Variants in CNTNAP2 observed in about 807,000 individuals in gnomAD.
CNTNAP2 encodes the protein contactin-associated protein-like 2.
Under a neutral mutation model 155.2 loss-of-function variants are expected in CNTNAP2, and 98 were observed. The ratio of observed to expected loss-of-function variants is 0.63; its 90% CI spans 0.54 to 0.75. CNTNAP2 has a LOEUF of 0.75. Among genes scored for constraint, CNTNAP2 ranks in the 30% least tolerant of loss-of-function variants. The probability of loss-of-function intolerance (pLI) is 0.00; values close to 1 mark genes in which losing one functional copy is unlikely to be tolerated. For synonymous variants in CNTNAP2, 651 were observed against 631.2 expected, an observed-to-expected ratio of 1.03 and a Z score of -0.47; for missense variants, 1,727 against 1,688.1, an observed-to-expected ratio of 1.02 and a Z score of -0.40.
intron 15 of CNTNAP2, among the ~76,000 whole-genome samples, chr7:148,008,460 C>A (rs1468367299): frequency 2.6e-5 from 4 of 152,122 alleles, no homozygotes; most frequent in Non-Finnish European, 5.9e-5. Flanking sequence ...GTAATTAGAA[C>A]CTGCTTCCTT....
intron 1 of CNTNAP2, among the ~76,000 whole-genome samples, chr7:146,163,014 G>T (rs1174772498): frequency 1.3e-5 from 2 of 152,112 alleles, no homozygotes; most frequent in African/African-American, 4.8e-5. Flanking sequence ...TTGGGGGTTT[G>T]GGGGAGAGAG....
chr7:146,198,327 G>A (rs1798806798), intron 1 of CNTNAP2, among the ~76,000 whole-genome samples: 1 of 152,156 alleles, frequency 6.6e-6, no homozygotes, highest in African/African-American at 2.4e-5. Context: ...CAGAAAATGT[G>A]TTGATTTTTC....
rs141570658 is a variant in CNTNAP2, at chr7:146,556,813, G to A, written c.98-217458G>A. On this transcript the variant is annotated intron_variant, in intron 1 of 23. Coordinates refer to ENST00000361727, the MANE Select transcript of CNTNAP2 (RefSeq NM_014141.6). ...GTTAGTGAAATCTGACCTTTGGTGAGCTGGCACTATTTAGTAAATCTCCCT... is the reference window on the plus strand; with the variant it reads ...GTTAGTGAAATCTGACCTTTGGTGAACTGGCACTATTTAGTAAATCTCCCT... Among the ~76,000 whole-genome samples, 395 of 151,310 alleles carry A rather than the reference G, an allele frequency of 2.6e-3. 7 individuals carry two copies. Among genetic ancestry groups the A allele is most frequent in the African/African-American group, 9.3e-3 (377 of 40,680 alleles).
intron 1 of CNTNAP2, among the ~76,000 whole-genome samples, chr7:146,174,884 A>T (rs1440775212): frequency 6.6e-6 from 1 of 152,120 alleles, no homozygotes; most frequent in East Asian, 2.0e-4. Context: ...CCAGAGGAGG[A>T]AATAATCAAT....
intron 1 of CNTNAP2, among the ~76,000 whole-genome samples, chr7:146,473,276 A>C (rs544829405): frequency 6.6e-6 from 1 of 152,276 alleles, no homozygotes; most frequent in East Asian, 1.9e-4. Flanking sequence ...GTCACTGGGT[A>C]ATGAGTAAAA....
At chr7:147,253,966 G>A (rs531977354) in intron 8 of CNTNAP2, among the ~76,000 whole-genome samples, 2 of 152,276 alleles carry the variant, frequency 1.3e-5, no homozygotes, top group East Asian at 3.9e-4. Flanking sequence ...CAGCCCCACA[G>A]TAAGTGCGAA....
At chr7:148,301,451 G>A (rs1473091401) in intron 21 of CNTNAP2, among the ~76,000 whole-genome samples, 1 of 151,336 alleles carries the variant, frequency 6.6e-6, no homozygotes, top group Non-Finnish European at 1.5e-5. Context: ...GAAACAGATG[G>A]ACTCCAAGGA....
intron 8 of CNTNAP2, among the ~76,000 whole-genome samples, chr7:147,200,201 A>T (rs1252335353): frequency 6.6e-6 from 1 of 152,094 alleles, no homozygotes; most frequent in Admixed American, 6.6e-5. Flanking sequence ...ATAGTAAATG[A>T]CTTCCATGAA....
chr7:146,626,271 G>A (rs1047010960), intron 1 of CNTNAP2, among the ~76,000 whole-genome samples: 1 of 152,072 alleles, frequency 6.6e-6, no homozygotes, highest in African/African-American at 2.4e-5. Context: ...AAATGTTTTT[G>A]TTAAGGCATT....
chr7:147,154,816 A>G (rs190388203), intron 8 of CNTNAP2, among the ~76,000 whole-genome samples: 2 of 152,178 alleles, frequency 1.3e-5, no homozygotes, highest in Admixed American at 1.3e-4. Context: ...GTACAGGTAA[A>G]TATTTCTCTG....
intron 9 of CNTNAP2, among the ~76,000 whole-genome samples, chr7:147,342,867 C>A (rs1375603753): frequency 6.6e-6 from 1 of 151,996 alleles, no homozygotes. Context: ...AGTTGATAAA[C>A]AATGCATGAA....
rs574190684 is a variant in CNTNAP2 at position 148,195,925 on chromosome 7, G to T, written c.3011-21363G>T. ...GGGTCTGCTCAGACATTCAGAGCAC[G>T]CATCCTTACAAATGCATTCTACTGA... On this transcript the variant is annotated intron_variant, in intron 18 of 23. Transcript: ENST00000361727. 3.3e-5 allele frequency among the ~76,000 whole-genome samples: 5 copies of T among 152,242 alleles called. No homozygotes were observed. The South Asian group carries it at 8.3e-4, about 25-fold the overall frequency.
chr7:146,693,932 G>A lies in CNTNAP2; in HGVS notation c.98-80339G>A, dbSNP rs1405281874. Among the ~76,000 whole-genome samples, 5 of 150,422 alleles carry A rather than the reference G, an allele frequency of 3.3e-5. No individual in the cohort carries two copies. The South Asian group carries it at 1.1e-3, about 32-fold the overall frequency. ...CCCAGTGTGTGTTGTTCCCCTCCCT[G>A]TGCCCATGCGTTTTCATTGTTCAGC... On this transcript the variant is annotated intron_variant, in intron 1 of 23. Transcript: ENST00000361727.
chr7:146,407,669 G>A (rs967838177), intron 1 of CNTNAP2, among the ~76,000 whole-genome samples: 2 of 152,030 alleles, frequency 1.3e-5, no homozygotes, highest in Non-Finnish European at 2.9e-5. Flanking sequence ...TTCCCCAGAA[G>A]CTCAGAAATG....
At chr7:146,131,760 C>T (rs1031064078) in intron 1 of CNTNAP2, among the ~76,000 whole-genome samples, 2 of 152,164 alleles carry the variant, frequency 1.3e-5, no homozygotes, top group African/African-American at 4.8e-5. Flanking sequence ...TGGTTTGGCT[C>T]TGTGTCCCCA....
chr7:147,705,558 T>A (rs564348827), intron 13 of CNTNAP2, among the ~76,000 whole-genome samples: 1 of 152,298 alleles, frequency 6.6e-6, no homozygotes, highest in African/African-American at 2.4e-5. Flanking sequence ...AGATGTCTGT[T>A]AGGTCCATTT....
intron 22 of CNTNAP2, among the ~76,000 whole-genome samples, chr7:148,392,947 ACACTTTACCACTGGC>A (rs1799385849): frequency 6.6e-6 from 1 of 152,106 alleles, no homozygotes; most frequent in Non-Finnish European, 1.5e-5. Context: ...ACCACATCGG[ACACTTTACCACTGGC>A]CACAGATTGG....
chr7:148,388,306 C>G (rs1413005723), intron 22 of CNTNAP2, among the ~76,000 whole-genome samples: 2 of 128,004 alleles, frequency 1.6e-5, no homozygotes, highest in Non-Finnish European at 3.3e-5. Flanking sequence ...CCCCCCACCC[C>G]ACAATAGTCC....
At chr7:147,884,560 A>G (rs1246036767) in intron 13 of CNTNAP2, among the ~76,000 whole-genome samples, 1 of 152,172 alleles carries the variant, frequency 6.6e-6, no homozygotes, top group African/African-American at 2.4e-5. Context: ...TAATACCAGC[A>G]GGTTAATCAA....
Sources: allele counts gnomAD v4.1 joint callset (sites outside exome capture counted in the v4.1 genomes callset), GRCh38; gene constraint gnomAD v4.1.1; transcripts MANE v1.5; gene names NCBI Gene and HGNC (gene_info 2026-07-23, HGNC 2026-07-21).